Variants in CHRM2 observed in about 807,000 individuals in gnomAD.
CHRM2 encodes cholinergic receptor muscarinic 2.
A neutral mutation model predicts 25.0 loss-of-function variants in CHRM2; 8 were observed. The observed-to-expected ratio is 0.32, with a 90% confidence interval of 0.19 to 0.58. The LOEUF is 0.58. Ranked by LOEUF, CHRM2 falls within the 20% of genes least tolerant of loss-of-function variation. The pLI is 0.88. For synonymous variants in CHRM2, 202 were observed against 205.7 expected (o/e 0.98, Z 0.15); for missense variants, 440 against 567.1 (o/e 0.78, Z 2.28).
intron 2 of CHRM2, among the ~76,000 whole-genome samples, chr7:136,991,905 C>T (rs1165157673): frequency 2.0e-5 from 3 of 152,164 alleles, no homozygotes; most frequent in African/African-American, 7.2e-5. Flanking sequence ...AAGGCCTTTA[C>T]TCAGACCATG....
At chr7:137,013,733 C>T (rs889826385) in intron 3 of CHRM2, among the ~76,000 whole-genome samples, 7 of 151,992 alleles carry the variant, frequency 4.6e-5, no homozygotes, top group Non-Finnish European at 5.9e-5. Flanking sequence ...GATAGGGAAA[C>T]AAGAAGTGCA....
intron 3 of CHRM2, among the ~76,000 whole-genome samples, chr7:137,001,108 G>T (rs1804005664): frequency 6.6e-6 from 1 of 151,942 alleles, no homozygotes; most frequent in Non-Finnish European, 1.5e-5. Flanking sequence ...GGATGTACTG[G>T]GCATTGTGCC....
chr7:136,926,578 T>C (rs1798763219), intron 2 of CHRM2, among the ~76,000 whole-genome samples: 1 of 152,202 alleles, frequency 6.6e-6, no homozygotes, highest in Admixed American at 6.5e-5. Context: ...AGTCCTATTA[T>C]TCCATGTCTT....
In CHRM2 at chr7:137,020,180, TAAATA is replaced by T. The variant is rs1246063372; in HGVS notation, c.*3921_*3925del. ...ATGTGCTAAATATATATATATTCTATAAATAAAATAATAAAATGTACAATAGAAAT... is the reference window on the plus strand; with the variant it reads ...ATGTGCTAAATATATATATATTCTATAAATAATAAAATGTACAATAGAAAT... On this transcript the variant is annotated 3_prime_UTR_variant, in exon 4 of 4. Transcript: ENST00000680005. The T allele has an allele frequency of 6.8e-6, 1 of 147,824 alleles. No individual in the cohort carries two copies. Among genetic ancestry groups the T allele is most frequent in the Admixed American group, 6.7e-5 (1 of 14,972 alleles). 9.2% of individuals were successfully genotyped at this position (147,824 alleles called of 1,614,324 possible). A position where few individuals can be genotyped will look rare whatever the true frequency, so the allele number is the denominator to read the frequency against.
intron 2 of CHRM2, among the ~76,000 whole-genome samples, chr7:136,981,632 G>T (rs556408216): frequency 6.6e-6 from 1 of 152,196 alleles, no homozygotes; most frequent in South Asian, 2.1e-4. Flanking sequence ...GTGTCCCAGA[G>T]ATCTGGTATG....
chr7:136,965,142 T>TA (rs1801332310), intron 2 of CHRM2, among the ~76,000 whole-genome samples: 1 of 152,132 alleles, frequency 6.6e-6, no homozygotes, highest in South Asian at 2.1e-4. Context: ...GATAAAATAA[T>TA]AGAGATTATG....
chr7:136,919,673 C>T (rs926127939), intron 2 of CHRM2, among the ~76,000 whole-genome samples: 10 of 152,052 alleles, frequency 6.6e-5, no homozygotes, highest in African/African-American at 2.2e-4. Context: ...CCCAATGTAC[C>T]GTGGTGTTGT....
Position 136,869,119 on chromosome 7 carries a change from T to C in CHRM2, c.-283+127T>C, listed in dbSNP as rs1015424179. The C allele has an allele frequency of 6.6e-6, 1 of 151,932 alleles. No homozygotes were observed. The highest frequency in any genetic ancestry group is 2.4e-5 in the African/African-American group (1 of 41,286). 9.4% of individuals were successfully genotyped at this position (151,932 alleles called of 1,614,324 possible). A position where few individuals can be genotyped will look rare whatever the true frequency, so the allele number is the denominator to read the frequency against. On this transcript the variant is annotated intron_variant, in intron 1 of 3. Transcript: ENST00000680005. This position sits in a 1 kb window ranked among gnomAD's most constrained non-coding sequence, Gnocchi z 4.9. ...CCAAGTGGCTGAGACGAGTGTGGGG[T>C]GCGTGACTCTGCCTGCGCGCGCGCC... is the stretch of plus-strand genomic sequence containing the variant.
At chr7:136,899,054 G>A (rs576544544) in intron 2 of CHRM2, 6 of 151,950 alleles carry the variant, frequency 3.9e-5, no homozygotes, top group Non-Finnish European at 5.9e-5. Flanking sequence ...GTTATTCTTC[G>A]GAAACTTACC....
intron 2 of CHRM2, among the ~76,000 whole-genome samples, chr7:136,966,140 T>C (rs1255168415): frequency 1.3e-5 from 2 of 151,698 alleles, no homozygotes; most frequent in African/African-American, 4.8e-5. Context: ...TAGAAGAGTC[T>C]TGGTGATTTC....
intron 2 of CHRM2, among the ~76,000 whole-genome samples, chr7:136,981,880 T>C (rs910635860): frequency 2.6e-5 from 4 of 152,200 alleles, no homozygotes; most frequent in Non-Finnish European, 4.4e-5. Context: ...ATGTGGTCAA[T>C]TTCAGAATAG....
intron 2 of CHRM2, among the ~76,000 whole-genome samples, chr7:136,956,079 C>T (rs1035843387): frequency 5.9e-5 from 9 of 152,106 alleles, no homozygotes; most frequent in Non-Finnish European, 1.2e-4. Context: ...CCAGTTCACT[C>T]TGATGTATAT....
intron 3 of CHRM2, among the ~76,000 whole-genome samples, chr7:137,011,144 A>G (rs932179919): frequency 2.0e-5 from 3 of 150,990 alleles, no homozygotes; most frequent in African/African-American, 7.4e-5. Flanking sequence ...CTAATACCAA[A>G]TCTGTATTAG....
intron 2 of CHRM2, among the ~76,000 whole-genome samples, chr7:136,878,203 G>A (rs1796122398): frequency 6.6e-6 from 1 of 151,928 alleles, no homozygotes; most frequent in South Asian, 2.1e-4. Context: ...TCATTTTAGG[G>A]AGAAGATAAA....
At chr7:136,979,670 C>T (rs1314877847) in intron 2 of CHRM2, among the ~76,000 whole-genome samples, 7 of 152,274 alleles carry the variant, frequency 4.6e-5, no homozygotes, top group African/African-American at 1.7e-4. Context: ...ATATGGCTAG[C>T]CAGTTTTCCC....
chr7:136,984,966 C>A (rs148839572), intron 2 of CHRM2, among the ~76,000 whole-genome samples: 1 of 152,000 alleles, frequency 6.6e-6, no homozygotes, highest in Non-Finnish European at 1.5e-5. Flanking sequence ...AAGAATTGAG[C>A]GTAAGAGTTC....
At chr7:136,887,770 A>G (rs960630275) in intron 2 of CHRM2, among the ~76,000 whole-genome samples, 9 of 152,262 alleles carry the variant, frequency 5.9e-5, no homozygotes, top group Non-Finnish European at 1.0e-4. Flanking sequence ...ATCTCTGTGA[A>G]GCAGTTCCCC....
At chr7:136,911,364 A>G (rs1326737788) in intron 2 of CHRM2, among the ~76,000 whole-genome samples, 1 of 151,944 alleles carries the variant, frequency 6.6e-6, no homozygotes. Context: ...AGTATTTGAC[A>G]AATCTAACCA....
intron 2 of CHRM2, among the ~76,000 whole-genome samples, chr7:136,885,661 C>G (rs537093739): frequency 4.6e-4 from 70 of 152,250 alleles, no homozygotes; most frequent in Middle Eastern, 3.4e-3. Context: ...AAAGGTGATT[C>G]ATCATAATTC....
Sources: allele counts gnomAD v4.1 joint callset (sites outside exome capture counted in the v4.1 genomes callset), GRCh38; gene constraint gnomAD v4.1.1; non-coding constraint Gnocchi (gnomAD v3.1); transcripts MANE v1.5; gene names NCBI Gene and HGNC (gene_info 2026-07-23, HGNC 2026-07-21).